HS3ST4: variants seen among roughly 807,000 people sequenced by gnomAD.
HS3ST4 encodes heparan sulfate glucosamine 3-O-sulfotransferase 4.
HS3ST4 carries 17 observed loss-of-function variants against 29.2 expected under a neutral mutation model. The observed-to-expected ratio is 0.58, with a 90% CI of 0.40 to 0.87. HS3ST4 has a LOEUF of 0.87. HS3ST4 is among the 40% of genes least tolerant of loss of function. The probability of loss-of-function intolerance (pLI) is 0.00; values close to 1 mark genes in which losing one functional copy is unlikely to be tolerated. For synonymous variants in HS3ST4, 314 were observed against 285.7 expected, an observed-to-expected ratio of 1.10 and a Z score of -1.00; for missense variants, 627 against 634.5, an observed-to-expected ratio of 0.99 and a Z score of 0.13.
At chr16:25,859,365 C>A (rs904926098) in intron 1 of HS3ST4, among the ~76,000 whole-genome samples, 5 of 152,142 alleles carry the variant, frequency 3.3e-5, no homozygotes, top group African/African-American at 1.2e-4. Context: ...AGCATCATGC[C>A]ATCAGCTATA....
chr16:25,938,077 G>T (rs1283599999), intron 1 of HS3ST4, among the ~76,000 whole-genome samples: 1 of 152,152 alleles, frequency 6.6e-6, no homozygotes, highest in Non-Finnish European at 1.5e-5. Context: ...TCTGAATTCA[G>T]ATTCTACTAG....
intron 1 of HS3ST4, among the ~76,000 whole-genome samples, chr16:25,853,054 G>T (rs1265539531): frequency 6.7e-6 from 1 of 149,552 alleles, no homozygotes; most frequent in Non-Finnish European, 1.5e-5. Context: ...TACTTTAGCT[G>T]ATTAACCTGT....
chr16:25,949,898 G>C (rs906854666), intron 1 of HS3ST4, among the ~76,000 whole-genome samples: 3 of 152,096 alleles, frequency 2.0e-5, no homozygotes, highest in African/African-American at 7.2e-5. Context: ...CTAAAAAATG[G>C]GTCCCAGAGG....
intron 1 of HS3ST4, among the ~76,000 whole-genome samples, chr16:25,968,349 G>T (rs1285976418): frequency 6.6e-6 from 1 of 152,090 alleles, no homozygotes; most frequent in African/African-American, 2.4e-5. Flanking sequence ...GTCTCTGGAC[G>T]ATCAGGACCT....
chr16:25,922,657 G>A lies in HS3ST4; in HGVS notation c.735-212955G>A, dbSNP rs4539603. On this transcript the variant is annotated intron_variant, in intron 1 of 1. Coordinates refer to ENST00000331351, the MANE Select transcript of HS3ST4 (RefSeq NM_006040.3). Reference sequence around the variant, plus strand: ...CAGGCACGCTGGATACCTGAGTATCGTTGCCCTTGCAGAGATAACAGCTGT... The same window carrying A: ...CAGGCACGCTGGATACCTGAGTATCATTGCCCTTGCAGAGATAACAGCTGT... 3.2e-3 allele frequency among the ~76,000 whole-genome samples: 489 copies of A among 152,318 alleles called. 2 individuals carry two copies. The highest frequency in any genetic ancestry group is 5.7e-3 in the Non-Finnish European group (385 of 68,030).
At chr16:25,722,993 A>C (rs1163697470) in intron 1 of HS3ST4, among the ~76,000 whole-genome samples, 1 of 152,232 alleles carries the variant, frequency 6.6e-6, no homozygotes, top group Non-Finnish European at 1.5e-5. Flanking sequence ...CACGTCTTAC[A>C]TGACAGGAGA....
chr16:25,904,631 A>AT (rs919972716), intron 1 of HS3ST4, among the ~76,000 whole-genome samples: 1 of 152,196 alleles, frequency 6.6e-6, no homozygotes, highest in African/African-American at 2.4e-5. Context: ...ATCTTCATTC[A>AT]TTTTTTCAAT....
chr16:25,916,723 A>T (rs1490815710), intron 1 of HS3ST4, among the ~76,000 whole-genome samples: 1 of 119,376 alleles, frequency 8.4e-6, no homozygotes, highest in African/African-American at 3.4e-5. Context: ...GCTGTCCCCC[A>T]GGCTGGAGTG....
At chr16:25,797,105 A>G (rs7498789) in intron 1 of HS3ST4, among the ~76,000 whole-genome samples, 94,114 of 152,060 alleles carry the variant, frequency 0.62, 29,719 homozygotes, top group Non-Finnish European at 0.64. Flanking sequence ...AAACGAAGTA[A>G]CTGGTTTTTC....
intron 1 of HS3ST4, among the ~76,000 whole-genome samples, chr16:25,735,064 G>T (rs1444839459): frequency 6.6e-6 from 1 of 152,220 alleles, no homozygotes; most frequent in African/African-American, 2.4e-5. Flanking sequence ...AGATGTCTGT[G>T]CCTTGAAGGG....
At chr16:25,921,761 T>G (rs1411207064) in intron 1 of HS3ST4, among the ~76,000 whole-genome samples, 6 of 80,592 alleles carry the variant, frequency 7.4e-5, no homozygotes, top group African/African-American at 1.7e-4. Context: ...TTTTTTTTCT[T>G]TTTTTTTTTT....
intron 1 of HS3ST4, among the ~76,000 whole-genome samples, chr16:25,828,261 T>TTTCG (rs1491135596): frequency 1.2e-5 from 1 of 82,462 alleles, no homozygotes; most frequent in East Asian, 2.7e-4. Context: ...TCTTTCTTTC[T>TTTCG]TTCTTTCTTT....
chr16:25,731,408 A>T (rs998185341), intron 1 of HS3ST4, among the ~76,000 whole-genome samples: 1 of 152,092 alleles, frequency 6.6e-6, no homozygotes, highest in Non-Finnish European at 1.5e-5. Context: ...TGGCACAATT[A>T]CGGTTCACTG....
Position 25,692,553 on chromosome 16 carries a change from A to G in HS3ST4, c.136A>G (p.Thr46Ala), listed in dbSNP as rs1448450701. 6.9e-6 allele frequency: 10 copies of G among 1,449,520 alleles called. No homozygotes were observed. In the Admixed American group the frequency reaches 9.1e-5, roughly 13 times the overall value. The allele number at this position is 1,449,520 out of a possible 1,614,324, so 89.8% of individuals were successfully genotyped here. The change falls in exon 1 of 2, where the codon ACC becomes GCC. Residue 46 changes from threonine (T) to alanine (A), a missense_variant. By Grantham distance (58) the Thr-to-Ala change is moderately conservative (BLOSUM62 0). Around this residue, in one of 2 missense-constraint regions of HS3ST4, gnomAD observed 402 missense variants for 340.8 expected, o/e 1.18. Coordinates refer to ENST00000331351, the MANE Select transcript of HS3ST4 (RefSeq NM_006040.3). ...TATGTGCACCTTGTCCCTGTCTGTC[A>G]CCTACCTGTGCTACAGCCTCCTGGG... Reference protein sequence around the residue: ...LFMCTLSLSVTYLCYSLLGGS... With the variant: ...LFMCTLSLSVAYLCYSLLGGS...
chr16:25,736,629 A>T (rs1264813620), intron 1 of HS3ST4, among the ~76,000 whole-genome samples: 4 of 152,114 alleles, frequency 2.6e-5, no homozygotes, highest in Non-Finnish European at 5.9e-5. Flanking sequence ...ATCTTCTATC[A>T]CTCTTGTGTA....
intron 1 of HS3ST4, among the ~76,000 whole-genome samples, chr16:26,124,316 G>A (rs900006670): frequency 7.0e-6 from 1 of 143,686 alleles, no homozygotes; most frequent in South Asian, 2.3e-4. Flanking sequence ...ATGAACAAAC[G>A]AAGAGTTTTT....
chr16:26,030,448 G>A (rs1969521494), intron 1 of HS3ST4, among the ~76,000 whole-genome samples: 1 of 152,218 alleles, frequency 6.6e-6, no homozygotes, highest in African/African-American at 2.4e-5. Context: ...TATATTTCTA[G>A]GTTAATGATG....
At chr16:26,007,061 G>A (rs189027304) in intron 1 of HS3ST4, among the ~76,000 whole-genome samples, 48 of 152,338 alleles carry the variant, frequency 3.2e-4, no homozygotes, top group African/African-American at 1.1e-3. Flanking sequence ...GCGGTTTCAA[G>A]AGCATTTTAA....
In HS3ST4 at chr16:26,003,272, A is replaced by G. The variant is rs114121201; in HGVS notation, c.735-132340A>G. Among the ~76,000 whole-genome samples the G allele has an allele frequency of 4.3e-3, 659 of 152,332 alleles. 4 individuals are homozygous for G. The highest frequency in any genetic ancestry group is 0.015 in the African/African-American group (605 of 41,568). Reference sequence around the variant, plus strand: ...TTGTTCAGTTTTCTCATCAGTAAACAGAGATAATTATAATACCTACATCAT... The same window carrying G: ...TTGTTCAGTTTTCTCATCAGTAAACGGAGATAATTATAATACCTACATCAT... On this transcript the variant is annotated intron_variant, in intron 1 of 1. Coordinates refer to ENST00000331351, the MANE Select transcript of HS3ST4 (RefSeq NM_006040.3).
Sources: gnomAD v4.1 joint callset for allele counts (sites outside exome capture counted in the v4.1 genomes callset) on GRCh38, gnomAD v4.1.1 for gene constraint, gnomAD v4.1.1 regional missense constraint, MANE v1.5 for transcripts, NCBI Gene and HGNC (gene_info 2026-07-23, HGNC 2026-07-21) for gene names.